The following COL12A1 variants were observed in gnomAD, a reference collection of about 807,000 sequenced individuals.
COL12A1 encodes the protein collagen alpha-1(XII) chain.
Under a neutral mutation model 349.7 loss-of-function variants are expected in COL12A1, and 114 were observed. That is an observed-to-expected ratio of 0.33 (90% confidence interval 0.28 to 0.38). The LOEUF (loss-of-function observed/expected upper bound fraction) is 0.38, where lower values mean the gene tolerates loss of function less well. Among genes scored for constraint, COL12A1 ranks in the 10% least tolerant of loss-of-function variants. The pLI is 1.00. For missense variants in COL12A1, 3,284 were observed against 3,756.9 expected, an observed-to-expected ratio of 0.87 and a Z score of 3.29; for synonymous variants, 1,369 against 1,329.0, an observed-to-expected ratio of 1.03 and a Z score of -0.66.
At chr6:75,190,288 A>T (rs1441144583) in intron 5 of COL12A1, among the ~76,000 whole-genome samples, 1 of 151,958 alleles carries the variant, frequency 6.6e-6, no homozygotes. Context: ...CCATTCAAGG[A>T]AGTGCAGTTG....
chr6:75,147,626 T>A, intron 23 of COL12A1, 49 bp downstream of exon 23: 1 of 1,539,036 alleles, frequency 6.5e-7, no homozygotes, highest in Non-Finnish European at 8.7e-7. Context: ...CCATCATGCT[T>A]TATCTTGGAA....
intron 5 of COL12A1, among the ~76,000 whole-genome samples, chr6:75,190,419 T>C (rs767368368): frequency 3.3e-5 from 5 of 151,936 alleles, no homozygotes; most frequent in Non-Finnish European, 7.4e-5. Context: ...AGCATAAAAT[T>C]ATGCAAAATA....
chr6:75,089,282 A>G (rs1169763639), intron 63 of COL12A1, 108 bp from the exon 64 acceptor site: 1 of 786,412 alleles, frequency 1.3e-6, no homozygotes, highest in African/African-American at 1.8e-5. Flanking sequence ...CCTTAGTGAA[A>G]GCAGAACCTA....
At chr6:75,182,053 A>T (rs1484661469) in intron 10 of COL12A1, among the ~76,000 whole-genome samples, 1 of 149,608 alleles carries the variant, frequency 6.7e-6, no homozygotes, top group Non-Finnish European at 1.5e-5. Context: ...CATAGATTGC[A>T]CCACTGCACT....
At chr6:75,192,761 A>G (rs56131181) in intron 3 of COL12A1, among the ~76,000 whole-genome samples, 6,500 of 152,214 alleles carry the variant, frequency 0.043, 228 homozygotes, top group South Asian at 0.1. Context: ...GAGAAATAAG[A>G]GATGAAAATA....
Position 75,188,396 on chromosome 6 carries a change from A to G in COL12A1, c.963T>C (p.Asp321=). 1 of 1,613,388 alleles carries G rather than the reference A, an allele frequency of 6.2e-7. No homozygotes were observed. The highest frequency in any genetic ancestry group is 8.5e-7 in the Non-Finnish European group (1 of 1,179,608). The part of the protein sequence containing the change: ...EIISQVCSGV[D]EQLGELVSGE... Reference sequence around the variant, plus strand: ...CACTAACCAATTCACCAAGTTGTTCATCAACACCTGAGCACACCTGGGAGA... The same window carrying G: ...CACTAACCAATTCACCAAGTTGTTCGTCAACACCTGAGCACACCTGGGAGA... Residue 321 remains aspartate, a synonymous_variant, in exon 8 of 66, where the codon GAT becomes GAC. Coordinates refer to ENST00000322507, the MANE Select transcript of COL12A1 (RefSeq NM_004370.6).
Position 75,147,745 on chromosome 6 carries a change from T to C in COL12A1, c.4347A>G (p.Glu1449=), listed in dbSNP as rs781697761. 2 of 1,613,588 alleles carry C rather than the reference T, an allele frequency of 1.2e-6. No individual in the cohort carries two copies. Among genetic ancestry groups the C allele is most frequent in the South Asian group, 1.1e-5 (1 of 91,062 alleles). Residue 1449 remains glutamate (E), a synonymous_variant, in exon 23 of 66, where the codon GAA becomes GAG. Transcript: ENST00000322507. The part of the protein sequence containing the change: ...TVLKDLKPET[E]YVVNVYSVVE... ...CCACAGAATACACATTGACAACATA[T>C]TCAGTTTCAGGTTTCAGATCTTTCA... is the stretch of plus-strand genomic sequence containing the variant.
At chr6:75,134,922 A>G in intron 31 of COL12A1, 67 bp from the exon 32 acceptor site, 1 of 1,516,112 alleles carries the variant, frequency 6.6e-7, no homozygotes, top group Non-Finnish European at 8.9e-7. Context: ...TGTTAGAAAA[A>G]GCTCTTTCTA....
chr6:75,176,881 G>A (rs1768985611), intron 12 of COL12A1, among the ~76,000 whole-genome samples: 1 of 152,174 alleles, frequency 6.6e-6, no homozygotes, highest in African/African-American at 2.4e-5. Flanking sequence ...AATTATGAAT[G>A]CCTCACTTTT....
intron 39 of COL12A1, among the ~76,000 whole-genome samples, chr6:75,125,699 AC>A (rs1765980515): frequency 6.6e-6 from 1 of 151,776 alleles, no homozygotes; most frequent in African/African-American, 2.4e-5. Context: ...TTAGTTACCA[AC>A]CCCACTTTCT....
In COL12A1 at chr6:75,183,181, A is replaced by G. The variant is rs1235556906; in HGVS notation, c.1760T>C (p.Ile587Thr). The G allele has an allele frequency of 2.5e-6, 4 of 1,614,160 alleles. No homozygotes were observed. Among genetic ancestry groups the G allele is most frequent in the Middle Eastern group, 1.6e-4 (1 of 6,062 alleles). ...ATGGGTCTCTGCAGGAGGAGAGGCA[A>G]TAGCTTCCAATTCTGAGCGAACGGC... ...KDAVRSELEAIASPPAETHVF... is the reference protein window; with the variant it reads ...KDAVRSELEATASPPAETHVF... The change falls in exon 10 of 66, where the codon ATT becomes ACT. Residue 587 changes from isoleucine (I) to threonine (T), a missense_variant. By Grantham distance (89) the Ile-to-Thr change is moderately conservative. Coordinates refer to ENST00000322507, the MANE Select transcript of COL12A1 (RefSeq NM_004370.6).
At chr6:75,133,075 A>T (rs1171666909) in intron 34 of COL12A1, among the ~76,000 whole-genome samples, 1 of 152,248 alleles carries the variant, frequency 6.6e-6, no homozygotes, top group Non-Finnish European at 1.5e-5. Context: ...GTACCTTTAC[A>T]AATCTTGAAA....
intron 25 of COL12A1, among the ~76,000 whole-genome samples, chr6:75,145,080 A>G (rs775562226): frequency 2.6e-5 from 4 of 152,222 alleles, no homozygotes; most frequent in Non-Finnish European, 5.9e-5. Flanking sequence ...GTAAGACACC[A>G]TTGATTGTAA....
In COL12A1 at chr6:75,112,852, A is replaced by T. The variant is rs908836449; in HGVS notation, c.7950+352T>A. Reference sequence around the variant, plus strand: ...TCAATAAAAAGCAAGCAGAAGAAATATTATCAATTAAAACATAATCCACTA... The same window carrying T: ...TCAATAAAAAGCAAGCAGAAGAAATTTTATCAATTAAAACATAATCCACTA... On this transcript the variant is annotated intron_variant, in intron 51 of 65. Coordinates refer to ENST00000322507, the MANE Select transcript of COL12A1 (RefSeq NM_004370.6). Among the ~76,000 whole-genome samples the T allele has an allele frequency of 2.0e-5, 3 of 151,830 alleles. No individual in the cohort carries two copies. In the East Asian group the frequency reaches 5.8e-4, roughly 29 times the overall value.
Position 75,115,821 on chromosome 6 carries a change from T to C in COL12A1, c.7660A>G (p.Arg2554Gly). ...SGSFPSYSAY[R>G]IQKNAFVNQP... ...TTCACAAACGCATTCTTCTGAATCC[T>C]GTATGCTGAGTAGCTGGGGAAAGAC... Residue 2554 changes from arginine (R) to glycine (G), a missense_variant, in exon 49 of 66, where the codon AGG (arginine) becomes GGG (glycine). Coordinates refer to ENST00000322507, the MANE Select transcript of COL12A1 (RefSeq NM_004370.6). 1 of 1,613,432 alleles carries C rather than the reference T, an allele frequency of 6.2e-7. No individual in the cohort carries two copies. Among genetic ancestry groups the C allele is most frequent in the Non-Finnish European group, 8.5e-7 (1 of 1,179,594 alleles).
intron 59 of COL12A1, among the ~76,000 whole-genome samples, chr6:75,096,775 A>T (rs991325857): frequency 6.6e-6 from 1 of 151,026 alleles, no homozygotes; most frequent in African/African-American, 2.4e-5. Context: ...GGGCGCCTGT[A>T]GTCCCAGCTA....
chr6:75,089,196 A>C (rs978662239), intron 63 of COL12A1, 22 bp from the exon 64 acceptor site: 3 of 1,568,130 alleles, frequency 1.9e-6, no homozygotes, highest in African/African-American at 2.8e-5. Context: ...GAAAAAGAGA[A>C]AGCACAGGGG....
At chr6:75,096,424 C>G (rs1768028875) in intron 59 of COL12A1, among the ~76,000 whole-genome samples, 1 of 152,166 alleles carries the variant, frequency 6.6e-6, no homozygotes, top group African/African-American at 2.4e-5. Flanking sequence ...TTACTGCGAT[C>G]TCACCTGGAT....
At position 75,133,253 on chromosome 6, in the gene COL12A1, A is replaced by C; in HGVS notation, c.5794+40T>G. The C allele has an allele frequency of 4.6e-6, 7 of 1,527,964 alleles. No homozygotes were observed. In the South Asian group the frequency reaches 8.2e-5, roughly 18 times the overall value. The allele number at this position is 1,527,964 out of a possible 1,614,324, so 94.7% of individuals were successfully genotyped here. ...TATGGTCTTTATAATGAAAAGCAAC[A>C]CTTATGATGAAAAATTAATTTTTTG... On this transcript the variant is annotated intron_variant, in intron 34 of 65. Coordinates refer to ENST00000322507, the MANE Select transcript of COL12A1 (RefSeq NM_004370.6).
Sources: allele counts gnomAD v4.1 joint callset (sites outside exome capture counted in the v4.1 genomes callset), GRCh38; gene constraint gnomAD v4.1.1; transcripts MANE v1.5; gene names NCBI Gene and HGNC (gene_info 2026-07-23, HGNC 2026-07-21).